GC: variants seen among roughly 807,000 people sequenced by gnomAD.
GC encodes the protein vitamin D-binding protein.
Under a neutral mutation model 56.7 loss-of-function variants are expected in GC, and 43 were observed. That is an observed-to-expected ratio of 0.76 (90% confidence interval 0.59 to 0.98). The LOEUF is 0.98. GC is among the 50% of genes least tolerant of loss of function. GC has a pLI of 0.00. For missense variants in GC, 529 were observed against 545.9 expected (o/e 0.97, Z 0.31); for synonymous variants, 216 against 202.7 (o/e 1.07, Z -0.56).
At position 71,783,956 on chromosome 4, in the gene GC, C is replaced by G. The variant is rs763977635; in HGVS notation, c.58+5G>C. ...TGTAAATGGTCACAACAAAAGAAAT[C>G]TTACCTCTCTCTAAAGCATGTCCAA... On this transcript the variant is annotated splice_donor_5th_base_variant and intron_variant, in intron 1 of 12. Transcript: ENST00000273951. 2 of 1,583,896 alleles carry G rather than the reference C, an allele frequency of 1.3e-6. No individual in the cohort carries two copies. The highest frequency in any genetic ancestry group is 2.3e-5 in the East Asian group (1 of 44,216).
At chr4:71,793,862 T>A (rs889121555) in intron 1 of GC, among the ~76,000 whole-genome samples, 2 of 152,232 alleles carry the variant, frequency 1.3e-5, no homozygotes, top group South Asian at 4.1e-4. Context: ...GTTTTTAGCA[T>A]GAAGGGCTGT....
intron 6 of GC, among the ~76,000 whole-genome samples, chr4:71,758,739 A>G (rs556976788): frequency 6.2e-4 from 94 of 152,320 alleles, no homozygotes; most frequent in Middle Eastern, 3.4e-3. Flanking sequence ...TTCCTAATAT[A>G]TCATGAATAT....
At chr4:71,792,146 A>G (rs1281020297) in intron 1 of GC, among the ~76,000 whole-genome samples, 1 of 152,222 alleles carries the variant, frequency 6.6e-6, no homozygotes, top group Non-Finnish European at 1.5e-5. Flanking sequence ...GTGTCTTTAT[A>G]GTAGCATGAT....
At chr4:71,781,558 C>G (rs1742682003) in intron 1 of GC, among the ~76,000 whole-genome samples, 1 of 151,522 alleles carries the variant, frequency 6.6e-6, no homozygotes, top group South Asian at 2.1e-4. Context: ...GGTAACTTTT[C>G]TATCTGCAAG....
At chr4:71,763,106 G>A (rs1175372129) in intron 6 of GC, among the ~76,000 whole-genome samples, 1 of 151,956 alleles carries the variant, frequency 6.6e-6, no homozygotes, top group Non-Finnish European at 1.5e-5. Context: ...TTCTTGTTTT[G>A]CTTTTTTGTT....
intron 8 of GC, among the ~76,000 whole-genome samples, chr4:71,755,569 T>C (rs1244129366): frequency 6.6e-6 from 1 of 152,160 alleles, no homozygotes; most frequent in Middle Eastern, 3.2e-3. Context: ...TCAACAGGCT[T>C]TGGATTATAA....
At chr4:71,783,840 C>G (rs1742762099) in intron 1 of GC, 121 bp downstream of exon 1, 4 of 617,608 alleles carry the variant, frequency 6.5e-6, no homozygotes, top group Non-Finnish European at 1.0e-5. Context: ...GGTCCTTATC[C>G]CTCTCCCCAA....
intron 5 of GC, 54 bp downstream of exon 5, chr4:71,763,750 G>A: frequency 7.1e-7 from 1 of 1,415,422 alleles, no homozygotes. Context: ...TATCTAAAAG[G>A]AATGCTATTA....
chr4:71,754,654 C>T (rs530168528), intron 9 of GC, 146 bp from the exon 10 acceptor site: 1 of 667,100 alleles, frequency 1.5e-6, no homozygotes, highest in Non-Finnish European at 2.6e-6. Context: ...TTAGGGTTTG[C>T]AGGCCATATG....
rs552017154 is a variant in GC at position 71,768,760 on chromosome 4, G to A, written c.129-327C>T. Among the ~76,000 whole-genome samples, 13 of 152,276 alleles carry A rather than the reference G, an allele frequency of 8.5e-5. No individual in the cohort carries two copies. In the South Asian group the frequency reaches 1.9e-3, roughly 22 times the overall value. ...ATTACAGGCGTGAGCCGCCGTGCCCGACCAGAACTGAAACTTTCTTTTTAC... is the reference window on the plus strand; with the variant it reads ...ATTACAGGCGTGAGCCGCCGTGCCCAACCAGAACTGAAACTTTCTTTTTAC... On this transcript the variant is annotated intron_variant, in intron 2 of 12. Coordinates refer to ENST00000273951, the MANE Select transcript of GC (RefSeq NM_000583.4).
chr4:71,804,226 C>CCGT (rs1743312000), upstream of GC, among the ~76,000 whole-genome samples: 1 of 152,166 alleles, frequency 6.6e-6, no homozygotes, highest in Non-Finnish European at 1.5e-5. Flanking sequence ...GAAGAATGAG[C>CCGT]CGTCCTGAAC....
chr4:71,768,559 C>T (rs7697794), intron 2 of GC, 126 bp from the exon 3 acceptor site: 1 of 709,236 alleles, frequency 1.4e-6, no homozygotes, highest in South Asian at 2.4e-5. Flanking sequence ...CTCTCTGCCT[C>T]CCAGGTTCAA....
Position 71,764,086 on chromosome 4 carries a change from A to G in GC, c.474-150T>C, listed in dbSNP as rs1742077461. The stretch of plus-strand genomic sequence containing the variant: ...AGTCTCAACCTCCTGGCCTCAAGCG[A>G]TCCTCCTGCTTCAGCTTCCTGAGTA... On this transcript the variant is annotated intron_variant, in intron 4 of 12. Transcript: ENST00000273951. The G allele has an allele frequency of 9.8e-6, 6 of 609,882 alleles. No homozygotes were observed. In the East Asian group the frequency reaches 1.7e-4, roughly 17 times the overall value. The allele number at this position is 609,882 out of a possible 1,614,324, so 37.8% of individuals were successfully genotyped here.
intron 2 of GC, among the ~76,000 whole-genome samples, 190 bp from the exon 3 acceptor site, chr4:71,768,623 G>C (rs1384679847): frequency 6.6e-6 from 1 of 151,982 alleles, no homozygotes; most frequent in South Asian, 2.1e-4. Flanking sequence ...GCACCAATAC[G>C]CCCGGCTAAT....
At chr4:71,777,225 A>C (rs935774177) in intron 1 of GC, among the ~76,000 whole-genome samples, 1 of 151,818 alleles carries the variant, frequency 6.6e-6, no homozygotes, top group Non-Finnish European at 1.5e-5. Context: ...CCAGTAAGAA[A>C]CTGAAGGCTT....
chr4:71,742,884 G>T (rs369726099), intron 12 of GC, among the ~76,000 whole-genome samples: 4 of 152,340 alleles, frequency 2.6e-5, no homozygotes, highest in South Asian at 4.1e-4. Flanking sequence ...TGAGGCAGGA[G>T]AATGGTGTGA....
chr4:71,744,128 C>G (rs1172866493), intron 12 of GC, among the ~76,000 whole-genome samples: 2 of 151,984 alleles, frequency 1.3e-5, no homozygotes, highest in Non-Finnish European at 2.9e-5. Context: ...CCAAGTTTAT[C>G]TCTTGATTGA....
upstream of GC, among the ~76,000 whole-genome samples, chr4:71,804,474 C>A (rs1565572): frequency 0.64 from 97,053 of 151,886 alleles, 35,312 homozygotes; most frequent in South Asian, 0.82. Context: ...TGGAGCATTG[C>A]AGCCTTTATG....
intron 1 of GC, among the ~76,000 whole-genome samples, chr4:71,779,166 T>G (rs540815805): frequency 6.6e-6 from 1 of 151,916 alleles, no homozygotes; most frequent in South Asian, 2.1e-4. Context: ...ACCTACTAAA[T>G]GCCAAGTAAT....
Sources: gnomAD v4.1 joint callset for allele counts (sites outside exome capture counted in the v4.1 genomes callset) on GRCh38, gnomAD v4.1.1 for gene constraint, MANE v1.5 for transcripts, NCBI Gene and HGNC (gene_info 2026-07-23, HGNC 2026-07-21) for gene names.